DTX1: variants seen among roughly 807,000 people sequenced by gnomAD.
The protein encoded by DTX1 is E3 ubiquitin-protein ligase DTX1.
In DTX1, 26 loss-of-function variants were observed where a neutral mutation model predicts 57.8. That is an observed-to-expected ratio of 0.45 (90% CI 0.33 to 0.62). DTX1 has a LOEUF of 0.62. Ranked by LOEUF, DTX1 falls within the 20% of genes least tolerant of loss-of-function variation. The probability of loss-of-function intolerance (pLI) is 0.02; values close to 1 mark genes in which losing one functional copy is unlikely to be tolerated. For synonymous variants in DTX1, 398 were observed against 394.1 expected (o/e 1.01, Z -0.12); for missense variants, 704 against 895.3 (o/e 0.79, Z 2.73).
chr12:113,084,827 A>G (rs557470121), intron 3 of DTX1, among the ~76,000 whole-genome samples: 5 of 152,166 alleles, frequency 3.3e-5, no homozygotes, highest in Non-Finnish European at 5.9e-5. Flanking sequence ...AGATTCAAAA[A>G]CCCAAGTTGA....
intron 9 of DTX1, 74 bp downstream of exon 9, chr12:113,095,488 G>A (rs1950282922): frequency 6.3e-7 from 1 of 1,583,814 alleles, no homozygotes; most frequent in Admixed American, 1.7e-5. Context: ...CTGGGCCTGT[G>A]GTCCCCATCA....
At position 113,093,247 on chromosome 12, in the gene DTX1, A is replaced by C. The variant is rs1213622190; in HGVS notation, c.1003+24A>C. The C allele has an allele frequency of 6.3e-7, 1 of 1,574,900 alleles. No homozygotes were observed. The highest frequency in any genetic ancestry group is 8.6e-7 in the Non-Finnish European group (1 of 1,160,338). On this transcript the variant is annotated intron_variant, in intron 4 of 9. Coordinates refer to ENST00000548759, the MANE Select transcript of DTX1 (RefSeq NM_004416.3). The surrounding 1 kb of genome is among the most constrained non-coding windows in gnomAD (Gnocchi z 4.2). ...AGGTGAGGTCTGGCCCAGGGCGGGA[A>C]AGAAGGGCGGGGCCCACTAGGAGGC...
chr12:113,065,669 T>C (rs2044699071), intron 2 of DTX1, among the ~76,000 whole-genome samples: 1 of 151,774 alleles, frequency 6.6e-6, no homozygotes, highest in Non-Finnish European at 1.5e-5. Context: ...GGGGAGGTGA[T>C]GCGGAAGTGA....
At chr12:113,067,636 C>A (rs1322192944) in intron 2 of DTX1, among the ~76,000 whole-genome samples, 1 of 152,232 alleles carries the variant, frequency 6.6e-6, no homozygotes, top group Non-Finnish European at 1.5e-5. Flanking sequence ...GCCAGCATAA[C>A]TCAGCTCCTG....
intron 2 of DTX1, among the ~76,000 whole-genome samples, chr12:113,068,924 G>A (rs2044722138): frequency 6.6e-6 from 1 of 152,190 alleles, no homozygotes; most frequent in African/African-American, 2.4e-5. Flanking sequence ...TAGCCCAGTG[G>A]CTATGTGACT....
At chr12:113,076,161 A>T (rs2044770036) in intron 2 of DTX1, among the ~76,000 whole-genome samples, 2 of 152,056 alleles carry the variant, frequency 1.3e-5, no homozygotes, top group Admixed American at 6.6e-5. Flanking sequence ...GTATCAATTT[A>T]AAAAAAGCAT....
chr12:113,061,001 G>A (rs1471593510), intron 2 of DTX1, among the ~76,000 whole-genome samples: 3 of 152,170 alleles, frequency 2.0e-5, no homozygotes, highest in African/African-American at 7.2e-5. Flanking sequence ...TATCTTTGGG[G>A]GGACCCCCAT....
chr12:113,085,402 T>G (rs1178977294), intron 3 of DTX1, among the ~76,000 whole-genome samples: 1 of 152,212 alleles, frequency 6.6e-6, no homozygotes, highest in Non-Finnish European at 1.5e-5. Context: ...CTATCAGATT[T>G]GTACAACATT....
At chr12:113,083,153 T>C (rs1177962193) in intron 3 of DTX1, among the ~76,000 whole-genome samples, 1 of 152,192 alleles carries the variant, frequency 6.6e-6, no homozygotes, top group East Asian at 1.9e-4. Flanking sequence ...ATCAGTCCTA[T>C]TGGATTAGGG....
At chr12:113,075,759 C>A (rs2044766996) in intron 2 of DTX1, among the ~76,000 whole-genome samples, 1 of 151,864 alleles carries the variant, frequency 6.6e-6, no homozygotes, top group African/African-American at 2.4e-5. Context: ...ATGAAAGTAA[C>A]AAATAAGCAA....
Position 113,093,941 on chromosome 12 carries a change from CCTGACCCCTGCCCT to C in DTX1, c.1166-86_1166-73del. ...CCTGACCCCGGCCAACCCTTGCCAG[CCTGACCCCTGCCCT>C]CTGACCCCTGACCCAGTTCTGAGCC... On this transcript the variant is annotated intron_variant, in intron 5 of 9. Coordinates refer to ENST00000548759, the MANE Select transcript of DTX1 (RefSeq NM_004416.3). This position sits in a 1 kb window ranked among gnomAD's most constrained non-coding sequence, Gnocchi z 4.2. The C allele has an allele frequency of 2.6e-6, 4 of 1,516,864 alleles. No homozygotes were observed. The highest frequency in any genetic ancestry group is 3.6e-6 in the Non-Finnish European group (4 of 1,115,202). The allele number at this position is 1,516,864 out of a possible 1,614,324, so 94.0% of individuals were successfully genotyped here.
At chr12:113,073,535 C>G (rs1281226165) in intron 2 of DTX1, among the ~76,000 whole-genome samples, 2 of 152,226 alleles carry the variant, frequency 1.3e-5, no homozygotes, top group Non-Finnish European at 2.9e-5. Context: ...AACCTCTCCA[C>G]CTCTTCAACC....
At chr12:113,089,774 G>A (rs1478058057) in intron 3 of DTX1, 1 of 152,208 alleles carries the variant, frequency 6.6e-6, no homozygotes, top group Non-Finnish European at 1.5e-5. Context: ...GCTCTTCCCA[G>A]GAGCAAGACT....
At chr12:113,094,997 G>T in intron 7 of DTX1, 45 bp from the exon 8 acceptor site, 2 of 1,605,080 alleles carry the variant, frequency 1.2e-6, no homozygotes, top group Non-Finnish European at 1.7e-6. Context: ...ACGGAGTGGG[G>T]TTTGGGGGGG....
intron 2 of DTX1, among the ~76,000 whole-genome samples, chr12:113,076,751 G>A (rs1395597740): frequency 6.6e-6 from 1 of 152,234 alleles, no homozygotes; most frequent in African/African-American, 2.4e-5. Flanking sequence ...ACTAATGCAA[G>A]AATTGTTGAA....
chr12:113,093,690 C>T lies in DTX1; in HGVS notation c.1155C>T (p.His385=), dbSNP rs749679407. 3.1e-6 allele frequency: 5 copies of T among 1,613,698 alleles called. No individual in the cohort carries two copies. The highest frequency in any genetic ancestry group is 2.2e-5 in the South Asian group (2 of 91,036). ...PGVCRKTKKK[H]LKKSKNPEDV... is the part of the protein sequence containing the mutation. ...TGTGCCGCAAGACCAAGAAGAAGCA[C>T]CTTAAAAAGAGTACGCCCTCCACGC... The change falls in exon 5 of 10, where the codon CAC becomes CAT. Residue 385 remains histidine (H), a synonymous_variant. Coordinates refer to ENST00000548759, the MANE Select transcript of DTX1 (RefSeq NM_004416.3). This position sits in a 1 kb window ranked among gnomAD's most constrained non-coding sequence, Gnocchi z 4.2.
rs2044636866 is a variant in DTX1 at position 113,057,723 on chromosome 12, T to G, written c.-470T>G. Reference sequence around the variant, plus strand: ...CCCCACTGAAGCCGGGCGCAGGGTCTGGGACGCAGTTGGGAGTGCAAAGGG... The same window carrying G: ...CCCCACTGAAGCCGGGCGCAGGGTCGGGGACGCAGTTGGGAGTGCAAAGGG... On this transcript the variant is annotated 5_prime_UTR_variant, in exon 2 of 10. Coordinates refer to ENST00000548759, the MANE Select transcript of DTX1 (RefSeq NM_004416.3). The G allele has an allele frequency of 1.2e-5, 2 of 161,270 alleles. No individual in the cohort carries two copies. The highest frequency in any genetic ancestry group is 5.9e-5 in the Admixed American group (1 of 17,064). 10.0% of individuals were successfully genotyped at this position (161,270 alleles called of 1,614,324 possible).
At chr12:113,073,008 G>A (rs528735047) in intron 2 of DTX1, among the ~76,000 whole-genome samples, 6 of 151,980 alleles carry the variant, frequency 3.9e-5, no homozygotes, top group African/African-American at 1.4e-4. Flanking sequence ...CACCTGGCTC[G>A]ACCCGAGAGA....
At chr12:113,081,466 C>T (rs1481229141) in intron 3 of DTX1, among the ~76,000 whole-genome samples, 3 of 152,212 alleles carry the variant, frequency 2.0e-5, no homozygotes. Context: ...ACAAGACAAA[C>T]AAGGCCTGTG....
Sources: gnomAD v4.1 joint callset for allele counts (sites outside exome capture counted in the v4.1 genomes callset) on GRCh38, gnomAD v4.1.1 for gene constraint, Gnocchi (gnomAD v3.1) non-coding constraint, MANE v1.5 for transcripts, NCBI Gene and HGNC (gene_info 2026-07-23, HGNC 2026-07-21) for gene names.